Variants in QKI observed in about 807,000 individuals in gnomAD.
QKI encodes the protein QKI, KH domain containing RNA binding, also known as KH domain-containing RNA-binding protein QKI.
QKI carries 10 observed loss-of-function variants against 39.0 expected under a neutral mutation model. The ratio of observed to expected loss-of-function variants is 0.26; its 90% confidence interval spans 0.16 to 0.43. The LOEUF is 0.43. QKI is among the 20% of genes least tolerant of loss of function. The pLI is 1.00. For synonymous variants in QKI, 204 were observed against 155.4 expected (o/e 1.31, Z -2.33); for missense variants, 218 against 428.0 (o/e 0.51, Z 4.33).
At chr6:163,511,066 T>C (rs190736678) in intron 3 of QKI, among the ~76,000 whole-genome samples, 5 of 152,326 alleles carry the variant, frequency 3.3e-5, no homozygotes, top group African/African-American at 4.8e-5. Flanking sequence ...ATTAAGATTA[T>C]ATAGAGTATG....
chr6:163,576,070 T>C lies in QKI; in HGVS notation c.*5360T>C, dbSNP rs2128254630. On this transcript the variant is annotated 3_prime_UTR_variant, in exon 8 of 8. Transcript: ENST00000361752. ...TTTTTCTAAGTGCATAGAGTAGTTT[T>C]TTACATTGTCACGAATTCCTTAATA... The C allele has an allele frequency of 6.6e-6, 1 of 152,354 alleles. No individual in the cohort carries two copies. Among genetic ancestry groups the C allele is most frequent in the Non-Finnish European group, 1.5e-5 (1 of 68,038 alleles). 9.4% of individuals were successfully genotyped at this position (152,354 alleles called of 1,614,324 possible). A position where few individuals can be genotyped will look rare whatever the true frequency, so the allele number is the denominator to read the frequency against.
chr6:163,465,818 A>C (rs181030571), intron 2 of QKI, among the ~76,000 whole-genome samples: 96 of 152,098 alleles, frequency 6.3e-4, no homozygotes, highest in African/African-American at 2.2e-3. Flanking sequence ...ACTAACAACA[A>C]ACTATTCAAA....
intron 4 of QKI, 82 bp downstream of exon 4, chr6:163,535,207 G>A: frequency 7.4e-7 from 1 of 1,344,930 alleles, no homozygotes; most frequent in African/African-American, 1.5e-5. Flanking sequence ...TGTTTATAAG[G>A]AATAGGTTAT....
At chr6:163,432,561 T>TA (rs1288705001) in intron 1 of QKI, among the ~76,000 whole-genome samples, 33 of 151,932 alleles carry the variant, frequency 2.2e-4, no homozygotes, top group Admixed American at 1.8e-3. Flanking sequence ...CCTGGATAAT[T>TA]AAAAAAAATT....
At chr6:163,471,651 A>G (rs974427213) in intron 2 of QKI, among the ~76,000 whole-genome samples, 2 of 152,180 alleles carry the variant, frequency 1.3e-5, no homozygotes, top group Non-Finnish European at 2.9e-5. Context: ...TAACTTCCAA[A>G]CTAATAGAAG....
chr6:163,535,143 G>T lies in QKI; in HGVS notation c.546+18G>T. The T allele has an allele frequency of 6.4e-7, 1 of 1,561,996 alleles. No individual in the cohort carries two copies. Among genetic ancestry groups the T allele is most frequent in the South Asian group, 1.3e-5 (1 of 79,794 alleles). On this transcript the variant is annotated intron_variant, in intron 4 of 7. Transcript: ENST00000361752. ...TACCTGCAGTAAGTAATAATTTCCA[G>T]ACCTTAGATTTGGGCCTCGTCCTTT...
chr6:163,461,093 T>A (rs1366514923), intron 2 of QKI, among the ~76,000 whole-genome samples: 3 of 152,206 alleles, frequency 2.0e-5, no homozygotes, highest in Non-Finnish European at 2.9e-5. Context: ...TAGGGAAAAC[T>A]TAATGTATAA....
At chr6:163,564,214 A>G (rs1783210232) in intron 6 of QKI, 1 of 1,028,152 alleles carries the variant, frequency 9.7e-7, no homozygotes. Context: ...TATCAGATAA[A>G]TACAGTCATG....
chr6:163,488,228 G>A (rs956469923), intron 3 of QKI, among the ~76,000 whole-genome samples: 6 of 152,042 alleles, frequency 3.9e-5, no homozygotes, highest in African/African-American at 1.2e-4. Flanking sequence ...TAACTTTGCC[G>A]TCTAGTGTAG....
chr6:163,541,241 C>A (rs772954375), intron 4 of QKI, among the ~76,000 whole-genome samples: 11 of 151,964 alleles, frequency 7.2e-5, no homozygotes, highest in Admixed American at 2.0e-4. Flanking sequence ...TGTTTTATTT[C>A]CAAATGTTTC....
chr6:163,476,882 G>A (rs1398672207), intron 2 of QKI, among the ~76,000 whole-genome samples: 1 of 152,070 alleles, frequency 6.6e-6, no homozygotes, highest in Admixed American at 6.6e-5. Flanking sequence ...TGGACCTTGT[G>A]TATGTATTGT....
intron 3 of QKI, among the ~76,000 whole-genome samples, chr6:163,511,961 G>A (rs1342852491): frequency 8.6e-6 from 1 of 116,916 alleles, no homozygotes; most frequent in Non-Finnish European, 1.9e-5. Context: ...CAAAATTTGA[G>A]CAAATTAAAT....
At chr6:163,464,841 C>A (rs1056984221) in intron 2 of QKI, among the ~76,000 whole-genome samples, 4 of 152,126 alleles carry the variant, frequency 2.6e-5, no homozygotes, top group African/African-American at 9.7e-5. Context: ...TTTTATGAGG[C>A]CAGCATTACC....
chr6:163,562,127 CTT>C, intron 5 of QKI, 58 bp downstream of exon 5: 1 of 1,319,466 alleles, frequency 7.6e-7, no homozygotes, highest in Non-Finnish European at 1.0e-6. Context: ...TGTCTACAGA[CTT>C]TTTTCCTTTT....
intron 4 of QKI, among the ~76,000 whole-genome samples, chr6:163,558,981 G>A (rs1782822563): frequency 6.6e-6 from 1 of 152,134 alleles, no homozygotes; most frequent in Non-Finnish European, 1.5e-5. Context: ...TTCTCTTAGG[G>A]TGATCTCTCC....
chr6:163,545,012 T>C (rs1781780037), intron 4 of QKI, among the ~76,000 whole-genome samples: 1 of 152,124 alleles, frequency 6.6e-6, no homozygotes, highest in African/African-American at 2.4e-5. Flanking sequence ...ACAGATAATG[T>C]CCTAAAATCT....
chr6:163,531,704 A>G (rs1010881170), intron 3 of QKI, among the ~76,000 whole-genome samples: 2 of 152,096 alleles, frequency 1.3e-5, no homozygotes, highest in Non-Finnish European at 2.9e-5. Flanking sequence ...ACAGGGTCTG[A>G]CTGTTCCCCA....
intron 4 of QKI, among the ~76,000 whole-genome samples, 172 bp downstream of exon 4, chr6:163,535,297 G>A (rs9364692): frequency 0.42 from 64,168 of 151,952 alleles, 16,810 homozygotes; most frequent in East Asian, 0.72. Context: ...CATAAAGTTC[G>A]TATTTAGGGG....
chr6:163,576,831 C>T lies in QKI; in HGVS notation c.*6121C>T, dbSNP rs992336044. ...TTTAAAAGAAAATGTAAGAATTTGA[C>T]ATTCTGGAGTTATTATAACATTAGA... On this transcript the variant is annotated 3_prime_UTR_variant, in exon 8 of 8. Coordinates refer to ENST00000361752, the MANE Select transcript of QKI (RefSeq NM_006775.3). 3.3e-5 allele frequency: 5 copies of T among 152,192 alleles called. No homozygotes were observed. The highest frequency in any genetic ancestry group is 5.9e-5 in the Non-Finnish European group (4 of 68,036). The allele number at this position is 152,192 out of a possible 1,614,324, so 9.4% of individuals were successfully genotyped here. A position where few individuals can be genotyped will look rare whatever the true frequency, so the allele number is the denominator to read the frequency against.
Sources: allele counts gnomAD v4.1 joint callset (sites outside exome capture counted in the v4.1 genomes callset), GRCh38; gene constraint gnomAD v4.1.1; transcripts MANE v1.5; gene names NCBI Gene and HGNC (gene_info 2026-07-23, HGNC 2026-07-21).